Variants in SYT17 observed in about 807,000 individuals in gnomAD.
SYT17 encodes synaptotagmin-17.
A neutral mutation model predicts 46.7 loss-of-function variants in SYT17; 22 were observed. The observed-to-expected ratio is 0.47, with a 90% CI of 0.34 to 0.67. The LOEUF (loss-of-function observed/expected upper bound fraction) is 0.67, where lower values mean the gene tolerates loss of function less well. Among genes scored for constraint, SYT17 ranks in the 30% least tolerant of loss-of-function variants. The probability of loss-of-function intolerance (pLI) is 0.01; values close to 1 mark genes in which losing one functional copy is unlikely to be tolerated. For synonymous variants in SYT17, 251 were observed against 248.4 expected (o/e 1.01, Z -0.10); for missense variants, 519 against 612.8 (o/e 0.85, Z 1.62).
At chr16:19,195,856 A>G (rs1965219279) in intron 5 of SYT17, among the ~76,000 whole-genome samples, 1 of 152,138 alleles carries the variant, frequency 6.6e-6, no homozygotes. Context: ...GTGGTGATGC[A>G]CATCCACATT....
Position 19,183,866 on chromosome 16 carries a change from A to G in SYT17, c.670A>G (p.Met224Val), listed in dbSNP as rs1444382108. ...CTCCCACGATGGCTCGCGCCAGGAC[A>G]TGGCGCACTCCAACCCCTACGTCAA... ...PISHDGSRQDMAHSNPYVKIC... is the reference protein window; with the variant it reads ...PISHDGSRQDVAHSNPYVKIC... Residue 224 changes from methionine to valine, a missense_variant, in exon 5 of 8, where the codon ATG (methionine) becomes GTG (valine). Met to Val is a conservative substitution (Grantham distance 21, BLOSUM62 1). Coordinates refer to ENST00000355377, the MANE Select transcript of SYT17 (RefSeq NM_016524.4). The surrounding 1 kb of genome is among the most constrained non-coding windows in gnomAD (Gnocchi z 5.6). 2.5e-6 allele frequency: 4 copies of G among 1,614,090 alleles called. No individual in the cohort carries two copies. Among genetic ancestry groups the G allele is most frequent in the Admixed American group, 1.7e-5 (1 of 60,012 alleles).
chr16:19,236,096 C>A (rs1412017575), intron 7 of SYT17, among the ~76,000 whole-genome samples: 2 of 152,106 alleles, frequency 1.3e-5, no homozygotes, highest in Non-Finnish European at 2.9e-5. Context: ...GATTGCTGGG[C>A]TCCTGGCTTA....
At chr16:19,218,315 T>A (rs1966172856) in intron 5 of SYT17, among the ~76,000 whole-genome samples, 1 of 152,198 alleles carries the variant, frequency 6.6e-6, no homozygotes, top group South Asian at 2.1e-4. Context: ...TTCTATCAAC[T>A]GCTCCCCTGA....
In SYT17 at chr16:19,260,163, G is replaced by C. The variant is rs564221928; in HGVS notation, c.1229-6717G>C. On this transcript the variant is annotated intron_variant, in intron 7 of 7. Coordinates refer to ENST00000355377, the MANE Select transcript of SYT17 (RefSeq NM_016524.4). ...GCCTCTAGATAGCAGGCTTCAGAGAGAATAGATGGTAAGTGTTTCTTACCA... is the reference window on the plus strand; with the variant it reads ...GCCTCTAGATAGCAGGCTTCAGAGACAATAGATGGTAAGTGTTTCTTACCA... Among the ~76,000 whole-genome samples the C allele has an allele frequency of 2.0e-5, 3 of 152,026 alleles. No homozygotes were observed. The East Asian group carries it at 5.8e-4, about 29-fold the overall frequency.
chr16:19,219,986 G>C lies in SYT17; in HGVS notation c.952-3059G>C, dbSNP rs113232399. ...AGAATTCTCCGCATTGCTCATACTA[G>C]AGTAGATGTGTCAGCAGGGTCATGC... On this transcript the variant is annotated intron_variant, in intron 5 of 7. Coordinates refer to ENST00000355377, the MANE Select transcript of SYT17 (RefSeq NM_016524.4). 1.3e-3 allele frequency among the ~76,000 whole-genome samples: 203 copies of C among 152,324 alleles called. 1 individual carries two copies. The highest frequency in any genetic ancestry group is 4.8e-3 in the African/African-American group (199 of 41,564).
chr16:19,211,922 G>T (rs966986402), intron 5 of SYT17, among the ~76,000 whole-genome samples: 1 of 152,144 alleles, frequency 6.6e-6, no homozygotes, highest in East Asian at 1.9e-4. Context: ...CACCGTGCCT[G>T]GCCAATGATC....
chr16:19,229,193 A>G (rs1966596217), intron 7 of SYT17, among the ~76,000 whole-genome samples: 1 of 152,208 alleles, frequency 6.6e-6, no homozygotes, highest in South Asian at 2.1e-4. Flanking sequence ...AAAAGAAGGA[A>G]AGAAAGCGTA....
chr16:19,242,114 G>A (rs1486108076), intron 7 of SYT17, among the ~76,000 whole-genome samples: 1 of 152,214 alleles, frequency 6.6e-6, no homozygotes, highest in Non-Finnish European at 1.5e-5. Context: ...TGTCTCAAGT[G>A]TTTAGCCCCT....
intron 7 of SYT17, among the ~76,000 whole-genome samples, chr16:19,237,392 C>A (rs1966863182): frequency 6.6e-6 from 1 of 152,120 alleles, no homozygotes; most frequent in Non-Finnish European, 1.5e-5. Flanking sequence ...GACACTGGAC[C>A]AAATTGAGGG....
Position 19,180,391 on chromosome 16 carries a change from G to C in SYT17, c.183G>C (p.Leu61=), listed in dbSNP as rs1447847028. The C allele has an allele frequency of 1.2e-6, 2 of 1,614,084 alleles. No individual in the cohort carries two copies. Among genetic ancestry groups the C allele is most frequent in the Non-Finnish European group, 1.7e-6 (2 of 1,180,010 alleles). The change falls in exon 4 of 8, where the codon CTG becomes CTC. Residue 61 remains leucine, a splice_region_variant and synonymous_variant. Coordinates refer to ENST00000355377, the MANE Select transcript of SYT17 (RefSeq NM_016524.4). ...GPFPAQTPPW[L]MASRSSDKDG... ...ACTGAGACCTCTTCCCTTCCTATAG[G>C]ATGGCCAGCCGGAGCAGTGACAAGG...
chr16:19,226,614 C>T (rs1023243651), intron 7 of SYT17, among the ~76,000 whole-genome samples: 4 of 152,080 alleles, frequency 2.6e-5, no homozygotes, highest in Admixed American at 6.6e-5. Flanking sequence ...GGCTGCTGTC[C>T]GGATGGAGTT....
At chr16:19,185,554 A>ACTCACTCCAG (rs1028942024) in intron 5 of SYT17, among the ~76,000 whole-genome samples, 1 of 151,770 alleles carries the variant, frequency 6.6e-6, no homozygotes, top group South Asian at 2.1e-4. Flanking sequence ...GAGCCACTGC[A>ACTCACTCCAG]CTCACTCCAG....
chr16:19,184,105 C>T lies in SYT17; in HGVS notation c.909C>T (p.Val303=), dbSNP rs1338074972. ...VSVPLCEVDL[V]KGGHWWKALI... is the part of the protein sequence containing the mutation. The stretch of plus-strand genomic sequence containing the variant: ...TGCCTTTGTGTGAAGTTGACCTGGT[C>T]AAGGGCGGGCACTGGTGGAAGGCGC... Residue 303 remains valine, a synonymous_variant, in exon 5 of 8, where the codon GTC becomes GTT. Coordinates refer to ENST00000355377, the MANE Select transcript of SYT17 (RefSeq NM_016524.4). 4 of 1,614,152 alleles carry T rather than the reference C, an allele frequency of 2.5e-6. No homozygotes were observed. The highest frequency in any genetic ancestry group is 1.7e-5 in the Admixed American group (1 of 60,010).
rs1381624785 is a variant in SYT17 at position 19,222,909 on chromosome 16, C to G, written c.952-136C>G. ...TAGAGGCAGAGATGAAAAGAAGTCACACACAGAGGCTCCCACTGTCAACTG... is the reference window on the plus strand; with the variant it reads ...TAGAGGCAGAGATGAAAAGAAGTCAGACACAGAGGCTCCCACTGTCAACTG... On this transcript the variant is annotated intron_variant, in intron 5 of 7. Transcript: ENST00000355377. The G allele has an allele frequency of 5.2e-6, 6 of 1,149,746 alleles. No homozygotes were observed. The Admixed American group carries it at 1.5e-4, about 28-fold the overall frequency. The allele number at this position is 1,149,746 out of a possible 1,614,324, so 71.2% of individuals were successfully genotyped here.
At chr16:19,185,152 C>G (rs555583178) in intron 5 of SYT17, among the ~76,000 whole-genome samples, 68 of 151,956 alleles carry the variant, frequency 4.5e-4, no homozygotes, top group African/African-American at 1.6e-3. Flanking sequence ...CTCCCTTTCT[C>G]CCTCCTTCCC....
chr16:19,229,842 G>A (rs1966617943), intron 7 of SYT17, among the ~76,000 whole-genome samples: 1 of 152,170 alleles, frequency 6.6e-6, no homozygotes, highest in Admixed American at 6.5e-5. Context: ...GGTAAACAAA[G>A]TGGTGCATAC....
intron 5 of SYT17, among the ~76,000 whole-genome samples, chr16:19,200,761 T>A (rs1179897467): frequency 2.6e-5 from 4 of 152,154 alleles, no homozygotes; most frequent in Non-Finnish European, 5.9e-5. Context: ...CAGCTGGTGT[T>A]GGCCTCAAGA....
chr16:19,230,083 TG>T (rs774991711), intron 7 of SYT17, among the ~76,000 whole-genome samples: 7 of 152,138 alleles, frequency 4.6e-5, no homozygotes, highest in African/African-American at 7.2e-5. Flanking sequence ...TATTATTTAA[TG>T]GGTGCAGACT....
chr16:19,264,768 T>C (rs1567241957), intron 7 of SYT17, among the ~76,000 whole-genome samples: 1 of 152,094 alleles, frequency 6.6e-6, no homozygotes, highest in African/African-American at 2.4e-5. Context: ...ATTTTTTGTA[T>C]TTTTTAGTAA....
Sources: allele counts gnomAD v4.1 joint callset (sites outside exome capture counted in the v4.1 genomes callset), GRCh38; gene constraint gnomAD v4.1.1; non-coding constraint Gnocchi (gnomAD v3.1); transcripts MANE v1.5; gene names NCBI Gene and HGNC (gene_info 2026-07-23, HGNC 2026-07-21).